KIDINS220: variants seen among roughly 807,000 people sequenced by gnomAD.
KIDINS220 encodes kinase D-interacting substrate of 220 kDa.
KIDINS220 carries 63 observed loss-of-function variants against 157.6 expected under a neutral mutation model. The ratio of observed to expected loss-of-function variants is 0.40; its 90% confidence interval spans 0.33 to 0.49. The LOEUF (loss-of-function observed/expected upper bound fraction) is 0.49, where lower values mean the gene tolerates loss of function less well. Among genes scored for constraint, KIDINS220 ranks in the 20% least tolerant of loss-of-function variants. The pLI is 0.66. For synonymous variants in KIDINS220, 732 were observed against 783.6 expected (o/e 0.93, Z 1.10); for missense variants, 1,772 against 2,171.2 (o/e 0.82, Z 3.65).
chr2:8,757,384 T>C, intron 22 of KIDINS220: 1 of 1,117,652 alleles, frequency 8.9e-7, no homozygotes, highest in Non-Finnish European at 1.1e-6. Flanking sequence ...ATTACTAATG[T>C]CACAGTCAGT....
chr2:8,799,854 A>G (rs915559292), intron 9 of KIDINS220, among the ~76,000 whole-genome samples: 2 of 152,234 alleles, frequency 1.3e-5, no homozygotes, highest in Admixed American at 1.3e-4. Context: ...TGATAAATTC[A>G]CAACTGTGGG....
At chr2:8,822,837 C>T (rs1378489488) in intron 2 of KIDINS220, among the ~76,000 whole-genome samples, 1 of 151,974 alleles carries the variant, frequency 6.6e-6, no homozygotes, top group East Asian at 1.9e-4. Context: ...AAAGATTTGC[C>T]ATCATTGAGA....
chr2:8,738,890 T>G (rs978753801), intron 26 of KIDINS220, among the ~76,000 whole-genome samples: 2 of 152,244 alleles, frequency 1.3e-5, no homozygotes, highest in Non-Finnish European at 2.9e-5. Flanking sequence ...ATGTTTACAT[T>G]GACAGAATAG....
chr2:8,828,323 G>T (rs1467326212), intron 1 of KIDINS220, among the ~76,000 whole-genome samples: 2 of 152,134 alleles, frequency 1.3e-5, no homozygotes, highest in African/African-American at 4.8e-5. Context: ...ACCGGATGTG[G>T]GATGTCAGGG....
At chr2:8,827,218 T>G (rs1678934668) in intron 1 of KIDINS220, 89 bp from the exon 2 acceptor site, 2 of 544,336 alleles carry the variant, frequency 3.7e-6, no homozygotes, top group African/African-American at 3.8e-5. Flanking sequence ...ATTAACCTCA[T>G]GCAAGGACAC....
At chr2:8,766,817 T>C (rs749417285) in intron 22 of KIDINS220, among the ~76,000 whole-genome samples, 1 of 152,178 alleles carries the variant, frequency 6.6e-6, no homozygotes, top group Non-Finnish European at 1.5e-5. Flanking sequence ...ACAACAAAAG[T>C]AGGCATGATT....
At chr2:8,771,900 G>C (rs1275969524) in intron 21 of KIDINS220, among the ~76,000 whole-genome samples, 1 of 151,874 alleles carries the variant, frequency 6.6e-6, no homozygotes, top group Non-Finnish European at 1.5e-5. Flanking sequence ...TGTGTGAAAA[G>C]AGAAAATGAG....
intron 22 of KIDINS220, 43 bp downstream of exon 22, chr2:8,770,624 ACTC>A: frequency 8.8e-7 from 1 of 1,134,880 alleles, no homozygotes; most frequent in Non-Finnish European, 1.2e-6. Flanking sequence ...TTTTTTTTTA[ACTC>A]AACCTAAAAT....
Position 8,817,725 on chromosome 2 carries a change from T to C in KIDINS220, c.208-9A>G. The C allele has an allele frequency of 6.4e-7, 1 of 1,568,018 alleles. No homozygotes were observed. Among genetic ancestry groups the C allele is most frequent in the Non-Finnish European group, 8.7e-7 (1 of 1,152,674 alleles). ...AGTGCTGTCCAATTATCCTTGAACATATATTTTAAAAGTTATCATTTTCAA... is the reference window on the plus strand; with the variant it reads ...AGTGCTGTCCAATTATCCTTGAACACATATTTTAAAAGTTATCATTTTCAA... On this transcript the variant is annotated splice_polypyrimidine_tract_variant and intron_variant, in intron 3 of 29. Transcript: ENST00000256707.
chr2:8,773,348 A>C (rs1334958308), intron 21 of KIDINS220, among the ~76,000 whole-genome samples: 1 of 152,228 alleles, frequency 6.6e-6, no homozygotes, highest in Non-Finnish European at 1.5e-5. Flanking sequence ...TCTCAGTATC[A>C]ACTATTAAAT....
chr2:8,812,303 G>A lies in KIDINS220; in HGVS notation c.504+92C>T, dbSNP rs979527171. 6.6e-5 allele frequency: 34 copies of A among 512,468 alleles called. 1 individual carries two copies. Among genetic ancestry groups the A allele is most frequent in the Non-Finnish European group, 1.1e-4 (33 of 291,838 alleles). The allele number at this position is 512,468 out of a possible 1,614,324, so 31.7% of individuals were successfully genotyped here. On this transcript the variant is annotated intron_variant, in intron 6 of 29. Transcript: ENST00000256707. ...ATACAAAAATATAAAATACATTAGA[G>A]AAGCCTCATGAAATCATATAAAAAT...
chr2:8,802,872 T>A, intron 8 of KIDINS220, 58 bp downstream of exon 8: 9 of 1,412,032 alleles, frequency 6.4e-6, no homozygotes, highest in Non-Finnish European at 7.9e-6. Context: ...AATAAGACAC[T>A]AAGGTCACCT....
intron 26 of KIDINS220, among the ~76,000 whole-genome samples, chr2:8,744,150 AATT>A (rs1047394118): frequency 6.9e-6 from 1 of 144,990 alleles, no homozygotes; most frequent in Non-Finnish European, 1.5e-5. Flanking sequence ...ATATTAATAT[AATT>A]ATTTTATAAT....
downstream of KIDINS220, chr2:8,725,473 A>G (rs1270682292): frequency 6.6e-6 from 1 of 152,230 alleles, no homozygotes; most frequent in African/African-American, 2.4e-5. Flanking sequence ...AAATAAAACT[A>G]GTAGAGGTGA....
At chr2:8,791,975 T>C (rs1313950936) in intron 12 of KIDINS220, among the ~76,000 whole-genome samples, 1 of 152,158 alleles carries the variant, frequency 6.6e-6, no homozygotes, top group Admixed American at 6.5e-5. Context: ...CTGGAACTCA[T>C]ATAGGATATT....
At chr2:8,726,562 A>G (rs1663337693), downstream of KIDINS220, among the ~76,000 whole-genome samples, 1 of 152,346 alleles carries the variant, frequency 6.6e-6, no homozygotes. Context: ...ACAGGGGTAC[A>G]TTCTGAGAAA....
Position 8,730,970 on chromosome 2 carries a change from CT to C in KIDINS220, c.5065del (p.Ser1689ValfsTer25). The C allele has an allele frequency of 6.2e-7, 1 of 1,614,210 alleles. No individual in the cohort carries two copies. The highest frequency in any genetic ancestry group is 8.5e-7 in the Non-Finnish European group (1 of 1,180,046). On this transcript the variant is annotated frameshift_variant, in exon 30 of 30. Coordinates refer to ENST00000256707, the MANE Select transcript of KIDINS220 (RefSeq NM_020738.4). LOFTEE classifies it low-confidence loss of function (END_TRUNC). ...TPSTVTLNNN[S>X]APANRANQNF... ...TTGATTGGCTCTGTTGGCTGGAGCACTATTGTTGTTCAGAGTCACGGTGCTG... is the reference window on the plus strand; with the variant it reads ...TTGATTGGCTCTGTTGGCTGGAGCACATTGTTGTTCAGAGTCACGGTGCTG...
rs1672351491 is a variant in KIDINS220, at chr2:8,786,011, T to A, written c.1959A>T (p.Lys653Asn). 1.2e-6 allele frequency: 2 copies of A among 1,607,000 alleles called. No homozygotes were observed. Among genetic ancestry groups the A allele is most frequent in the Non-Finnish European group, 8.5e-7 (1 of 1,177,554 alleles). Residue 653 changes from lysine to asparagine, a missense_variant, in exon 17 of 30, where the codon AAA becomes AAT. Physicochemically the swap from Lys to Asn is moderately conservative, Grantham distance 94. Around this residue, in one of 3 missense-constraint regions of KIDINS220, gnomAD observed 725 missense variants for 1,017.1 expected, o/e 0.71. Coordinates refer to ENST00000256707, the MANE Select transcript of KIDINS220 (RefSeq NM_020738.4). ...EDTQGKKKWK[K>N]TCCLPSFVIF... ...TGACAAAAGATGGGAGACAACATGT[T>A]TTTTTCCATTTCTTTTTACCTGTAA...
intron 2 of KIDINS220, among the ~76,000 whole-genome samples, chr2:8,823,818 A>C (rs928856241): frequency 1.3e-5 from 2 of 152,202 alleles, no homozygotes; most frequent in African/African-American, 4.8e-5. Context: ...AACAACCTCC[A>C]ATTATAAATG....
Sources: gnomAD v4.1 joint callset for allele counts (sites outside exome capture counted in the v4.1 genomes callset) on GRCh38, gnomAD v4.1.1 for gene constraint, gnomAD v4.1.1 regional missense constraint, MANE v1.5 for transcripts, NCBI Gene and HGNC (gene_info 2026-07-23, HGNC 2026-07-21) for gene names.